ATP8A2: variants seen among roughly 807,000 people sequenced by gnomAD.
The protein encoded by ATP8A2 is phospholipid-transporting ATPase IB.
In ATP8A2, 100 loss-of-function variants were observed where a neutral mutation model predicts 165.6. That is an observed-to-expected ratio of 0.60 (90% CI 0.51 to 0.71). The LOEUF (loss-of-function observed/expected upper bound fraction) is 0.71. Among genes scored for constraint, ATP8A2 ranks in the 30% least tolerant of loss-of-function variants. The pLI is 0.00. For synonymous variants in ATP8A2, 543 were observed against 548.8 expected (o/e 0.99, Z 0.15); for missense variants, 1,227 against 1,479.5 (o/e 0.83, Z 2.80).
intron 23 of ATP8A2, among the ~76,000 whole-genome samples, chr13:25,588,242 G>A (rs1219315753): frequency 6.6e-6 from 1 of 152,138 alleles, no homozygotes; most frequent in Non-Finnish European, 1.5e-5. Context: ...TAGGAAGGAT[G>A]TACTTTCTGA....
chr13:25,760,052 C>T (rs2044348504), intron 25 of ATP8A2, among the ~76,000 whole-genome samples: 1 of 152,178 alleles, frequency 6.6e-6, no homozygotes, highest in Admixed American at 6.5e-5. Flanking sequence ...GTGGAGTAAA[C>T]CGATCTTGAG....
At chr13:25,977,041 A>ACCCCCACCCCCACCCCCACCCCCC (rs1956061850) in intron 35 of ATP8A2, among the ~76,000 whole-genome samples, 1 of 31,664 alleles carries the variant, frequency 3.2e-5, no homozygotes, top group Non-Finnish European at 6.3e-5. Context: ...CCCCACCCCC[A>ACCCCCACCCCCACCCCCACCCCCC]CCCCCCTTCC....
chr13:25,767,959 A>ATCTTTGAGT (rs2044526256), intron 25 of ATP8A2, among the ~76,000 whole-genome samples: 2 of 151,566 alleles, frequency 1.3e-5, no homozygotes, highest in South Asian at 4.2e-4. Context: ...TACTGGGCAA[A>ATCTTTGAGT]TCTTTGAGTG....
chr13:25,413,363 C>T (rs1330739071), intron 1 of ATP8A2, among the ~76,000 whole-genome samples: 1 of 139,730 alleles, frequency 7.2e-6, no homozygotes, highest in Non-Finnish European at 1.5e-5. Flanking sequence ...CTCACTGCAA[C>T]ATCCACCTCC....
intron 36 of ATP8A2, among the ~76,000 whole-genome samples, chr13:26,017,791 A>C (rs748076036): frequency 5.9e-5 from 9 of 152,200 alleles, no homozygotes; most frequent in Non-Finnish European, 7.3e-5. Context: ...TCCGCCCCCA[A>C]GGGAGCTCCC....
intron 13 of ATP8A2, 87 bp downstream of exon 13, chr13:25,555,155 C>A: frequency 1.1e-6 from 1 of 925,130 alleles, no homozygotes; most frequent in Non-Finnish European, 1.8e-6. Flanking sequence ...AAAGATTTTG[C>A]AAAAATACTT....
chr13:25,937,869 AAAGAC>A (rs1954956839), intron 33 of ATP8A2, among the ~76,000 whole-genome samples: 2 of 136,380 alleles, frequency 1.5e-5, no homozygotes, highest in Admixed American at 7.4e-5. Flanking sequence ...AAAAAAAAAA[AAAGAC>A]CAAAGACATA....
At chr13:25,852,446 C>G (rs1952030924) in intron 30 of ATP8A2, among the ~76,000 whole-genome samples, 1 of 152,196 alleles carries the variant, frequency 6.6e-6, no homozygotes, top group Non-Finnish European at 1.5e-5. Flanking sequence ...GCGTTCCTGG[C>G]ACTCCCGGAG....
chr13:25,605,498 G>A (rs1465220247), intron 24 of ATP8A2, among the ~76,000 whole-genome samples: 1 of 152,132 alleles, frequency 6.6e-6, no homozygotes, highest in Non-Finnish European at 1.5e-5. Flanking sequence ...CCAGAGAACT[G>A]GAATAAGTAG....
chr13:25,466,429 C>T (rs976642530), intron 1 of ATP8A2, among the ~76,000 whole-genome samples: 2 of 152,180 alleles, frequency 1.3e-5, no homozygotes, highest in African/African-American at 4.8e-5. Flanking sequence ...TATTCCACCA[C>T]CTGCCCTCCC....
chr13:25,631,943 G>A (rs1447738551), intron 24 of ATP8A2, among the ~76,000 whole-genome samples: 5 of 152,078 alleles, frequency 3.3e-5, no homozygotes, highest in Non-Finnish European at 5.9e-5. Flanking sequence ...AACTCAGTTG[G>A]AGTTGGATCC....
At chr13:25,687,075 C>T (rs1220640310) in intron 24 of ATP8A2, among the ~76,000 whole-genome samples, 1 of 152,120 alleles carries the variant, frequency 6.6e-6, no homozygotes, top group Non-Finnish European at 1.5e-5. Context: ...CTTGTCACGG[C>T]CCCAAAGAAG....
intron 33 of ATP8A2, among the ~76,000 whole-genome samples, chr13:25,879,556 C>G (rs1952916684): frequency 6.6e-6 from 1 of 152,238 alleles, no homozygotes. Context: ...AACCCTAGCA[C>G]TGCCACCACT....
chr13:25,494,716 TTTATAA>T (rs1204964438), intron 2 of ATP8A2, among the ~76,000 whole-genome samples: 1 of 152,214 alleles, frequency 6.6e-6, no homozygotes, highest in Non-Finnish European at 1.5e-5. Flanking sequence ...TTCTGACATT[TTTATAA>T]TTGTTTTCAA....
intron 35 of ATP8A2, among the ~76,000 whole-genome samples, chr13:25,999,633 C>T (rs766046194): frequency 5.9e-5 from 9 of 152,208 alleles, no homozygotes; most frequent in South Asian, 2.1e-4. Context: ...GTCTGCACGG[C>T]GAGGTCACCT....
intron 1 of ATP8A2, among the ~76,000 whole-genome samples, chr13:25,408,053 C>T (rs1193947835): frequency 6.8e-6 from 1 of 147,058 alleles, no homozygotes; most frequent in Non-Finnish European, 1.5e-5. Flanking sequence ...ACATTCTGCA[C>T]ATGTATCCTG....
intron 24 of ATP8A2, among the ~76,000 whole-genome samples, chr13:25,598,890 T>C (rs2040306560): frequency 6.6e-6 from 1 of 152,206 alleles, no homozygotes; most frequent in South Asian, 2.1e-4. Context: ...TGTGAGTTTA[T>C]AGTTTACTCT....
rs565678477 is a variant in ATP8A2 at position 25,479,764 on chromosome 13, C to G, written c.221+10643C>G. Among the ~76,000 whole-genome samples, 463 of 152,142 alleles carry G rather than the reference C, an allele frequency of 3.0e-3. 4 individuals are homozygous for G. The highest frequency in any genetic ancestry group is 5.1e-3 in the Non-Finnish European group (348 of 68,022). ...TGCACTGCCCTTAATCCATTTAACC[C>G]TGAGTGGACACAGCACATGTTTCAG... On this transcript the variant is annotated intron_variant, in intron 2 of 36. Coordinates refer to ENST00000381655, the MANE Select transcript of ATP8A2 (RefSeq NM_016529.6).
At chr13:25,904,244 G>GTCAAA (rs1953860888) in intron 33 of ATP8A2, among the ~76,000 whole-genome samples, 1 of 152,192 alleles carries the variant, frequency 6.6e-6, no homozygotes, top group East Asian at 1.9e-4. Context: ...CCTTGGACCT[G>GTCAAA]TCAAATCAGA....
Sources: gnomAD v4.1 joint callset for allele counts (sites outside exome capture counted in the v4.1 genomes callset) on GRCh38, gnomAD v4.1.1 for gene constraint, MANE v1.5 for transcripts, NCBI Gene and HGNC (gene_info 2026-07-23, HGNC 2026-07-21) for gene names.